Variants in ANGPT1 observed in about 807,000 individuals in gnomAD.
ANGPT1 encodes the protein angiopoietin-1.
In ANGPT1, 17 loss-of-function variants were observed where a neutral mutation model predicts 62.2. That is an observed-to-expected ratio of 0.27 (90% CI 0.19 to 0.41). The LOEUF is 0.41. ANGPT1 is among the 10% of genes least tolerant of loss of function. ANGPT1 has a pLI of 1.00. For missense variants in ANGPT1, 478 were observed against 594.9 expected, an observed-to-expected ratio of 0.80 and a Z score of 2.04; for synonymous variants, 199 against 198.9, an observed-to-expected ratio of 1.00 and a Z score of 0.00.
At chr8:107,410,275 A>AC (rs1192140971) in intron 1 of ANGPT1, among the ~76,000 whole-genome samples, 1 of 152,002 alleles carries the variant, frequency 6.6e-6, no homozygotes, top group Admixed American at 6.6e-5. Context: ...TAACGCTCTA[A>AC]CCCCATAGTT....
At chr8:107,334,481 A>G (rs1007864092) in intron 3 of ANGPT1, among the ~76,000 whole-genome samples, 2 of 152,160 alleles carry the variant, frequency 1.3e-5, no homozygotes, top group Non-Finnish European at 2.9e-5. Context: ...AATGCAGCAA[A>G]ATATGCAGCT....
chr8:107,431,889 C>T (rs1811196924), intron 1 of ANGPT1, among the ~76,000 whole-genome samples: 1 of 152,112 alleles, frequency 6.6e-6, no homozygotes, highest in South Asian at 2.1e-4. Flanking sequence ...CATACAAATA[C>T]CTTATAACAA....
At chr8:107,427,016 A>T (rs868787168) in intron 1 of ANGPT1, among the ~76,000 whole-genome samples, 8 of 152,182 alleles carry the variant, frequency 5.3e-5, no homozygotes, top group Non-Finnish European at 1.0e-4. Flanking sequence ...AAGCAAATTG[A>T]TTCAACTTTT....
Position 107,423,914 on chromosome 8 carries a change from C to G in ANGPT1, c.297+73348G>C, listed in dbSNP as rs142024926. ...GGAGTGCAGTGGCACAATGTTGGCT[C>G]ACTGAAATCTTTGCCTCCTGGGTTC... On this transcript the variant is annotated intron_variant, in intron 1 of 8. Transcript: ENST00000517746. Among the ~76,000 whole-genome samples the G allele has an allele frequency of 8.0e-3, 1,021 of 128,426 alleles. 16 individuals are homozygous for G. The highest frequency in any genetic ancestry group is 0.029 in the African/African-American group (981 of 33,716). The allele number at this position is 128,426 out of a possible 152,430, so 84.3% of individuals were successfully genotyped here.
At chr8:107,366,235 T>C (rs1248712504) in intron 1 of ANGPT1, among the ~76,000 whole-genome samples, 1 of 152,212 alleles carries the variant, frequency 6.6e-6, no homozygotes, top group Non-Finnish European at 1.5e-5. Context: ...ATCTACTTCA[T>C]GGACAAAGCA....
At chr8:107,340,624 T>C (rs753101840) in intron 2 of ANGPT1, among the ~76,000 whole-genome samples, 12 of 151,998 alleles carry the variant, frequency 7.9e-5, no homozygotes, top group Admixed American at 3.9e-4. Flanking sequence ...CTGCAGCCTC[T>C]TGGGCTCCGG....
intron 1 of ANGPT1, among the ~76,000 whole-genome samples, chr8:107,485,496 G>A (rs1381188654): frequency 6.6e-6 from 1 of 152,094 alleles, no homozygotes; most frequent in Non-Finnish European, 1.5e-5. Flanking sequence ...CCCAAATTTT[G>A]AGTGGCCAGG....
At chr8:107,295,773 A>C in intron 5 of ANGPT1, among the ~76,000 whole-genome samples, 1 of 152,168 alleles carries the variant, frequency 6.6e-6, no homozygotes, top group East Asian at 1.9e-4. Flanking sequence ...GCACTTCGAG[A>C]TGATCTAGAC....
At chr8:107,446,851 C>T (rs2130444818) in intron 1 of ANGPT1, among the ~76,000 whole-genome samples, 1 of 152,280 alleles carries the variant, frequency 6.6e-6, no homozygotes. Flanking sequence ...CCAGACTCAA[C>T]AATTGTATAC....
intron 5 of ANGPT1, among the ~76,000 whole-genome samples, chr8:107,296,378 A>G (rs950610480): frequency 1.3e-5 from 2 of 152,132 alleles, no homozygotes; most frequent in African/African-American, 4.8e-5. Context: ...GAGAGATAAA[A>G]TAGGAAAATT....
At chr8:107,395,453 A>G (rs759904046) in intron 1 of ANGPT1, among the ~76,000 whole-genome samples, 12 of 152,100 alleles carry the variant, frequency 7.9e-5, no homozygotes, top group Non-Finnish European at 1.8e-4. Flanking sequence ...ACTAGGCCAT[A>G]TATAATCCAC....
intron 1 of ANGPT1, among the ~76,000 whole-genome samples, chr8:107,442,558 T>C (rs1811509882): frequency 6.6e-6 from 1 of 152,194 alleles, no homozygotes; most frequent in African/African-American, 2.4e-5. Context: ...AAAGTGTGGG[T>C]TGCTTCTCTT....
At chr8:107,477,119 A>G (rs2130511697) in intron 1 of ANGPT1, among the ~76,000 whole-genome samples, 1 of 152,200 alleles carries the variant, frequency 6.6e-6, no homozygotes, top group East Asian at 1.9e-4. Flanking sequence ...GTAAGTTTCT[A>G]TCATTTTATT....
intron 3 of ANGPT1, among the ~76,000 whole-genome samples, chr8:107,335,398 T>A (rs533325825): frequency 2.2e-4 from 34 of 152,170 alleles, no homozygotes; most frequent in Non-Finnish European, 4.9e-4. Context: ...CGAAGAAAAA[T>A]CAATGTAATG....
At chr8:107,423,647 T>C (rs1039180849) in intron 1 of ANGPT1, among the ~76,000 whole-genome samples, 5 of 152,120 alleles carry the variant, frequency 3.3e-5, no homozygotes, top group African/African-American at 1.2e-4. Flanking sequence ...TCAGAGTCTG[T>C]TTCCCAGGGA....
At chr8:107,298,131 A>C (rs16876012) in intron 5 of ANGPT1, among the ~76,000 whole-genome samples, 4,048 of 151,970 alleles carry the variant, frequency 0.027, 183 homozygotes, top group African/African-American at 0.092. Context: ...CAAGCATTAA[A>C]CACCTTTTAA....
intron 3 of ANGPT1, among the ~76,000 whole-genome samples, chr8:107,334,964 T>C (rs1815526104): frequency 6.6e-6 from 1 of 152,228 alleles, no homozygotes; most frequent in Non-Finnish European, 1.5e-5. Flanking sequence ...TCATACAGCA[T>C]GAGTGACCCC....
At chr8:107,274,523 TTAAAGA>T (rs1424019190) in intron 7 of ANGPT1, among the ~76,000 whole-genome samples, 1 of 152,094 alleles carries the variant, frequency 6.6e-6, no homozygotes, top group Admixed American at 6.6e-5. Flanking sequence ...TCATTTGCAG[TTAAAGA>T]TAAAAGAGAT....
intron 6 of ANGPT1, among the ~76,000 whole-genome samples, chr8:107,288,153 T>A (rs1305401719): frequency 6.6e-6 from 1 of 152,162 alleles, no homozygotes; most frequent in African/African-American, 2.4e-5. Flanking sequence ...TAATGTAATA[T>A]TTTACTAAAT....
Sources: gnomAD v4.1 joint callset for allele counts (sites outside exome capture counted in the v4.1 genomes callset) on GRCh38, gnomAD v4.1.1 for gene constraint, MANE v1.5 for transcripts, NCBI Gene and HGNC (gene_info 2026-07-23, HGNC 2026-07-21) for gene names.